Variants in ARID1B observed in about 807,000 individuals in gnomAD.
ARID1B encodes AT-rich interaction domain 1B, also known as AT-rich interactive domain-containing protein 1B.
Under a neutral mutation model 212.3 loss-of-function variants are expected in ARID1B, and 30 were observed. That is an observed-to-expected ratio of 0.14 (90% CI 0.11 to 0.19). The LOEUF (loss-of-function observed/expected upper bound fraction) is 0.19. Ranked by LOEUF, ARID1B falls within the 10% of genes least tolerant of loss-of-function variation. The pLI, the probability that ARID1B is intolerant of heterozygous loss-of-function variation, is 1.00. For synonymous variants in ARID1B, 1,402 were observed against 1,301.7 expected, an observed-to-expected ratio of 1.08 and a Z score of -1.66; for missense variants, 2,891 against 3,204.0, an observed-to-expected ratio of 0.90 and a Z score of 2.36.
chr6:156,848,013 T>TGATG (rs1414173449), intron 2 of ARID1B, among the ~76,000 whole-genome samples: 1 of 152,222 alleles, frequency 6.6e-6, no homozygotes, highest in Non-Finnish European at 1.5e-5. Flanking sequence ...TTTAGAATCG[T>TGATG]GATGGAGACT....
At chr6:156,997,822 A>G (rs959342760) in intron 4 of ARID1B, among the ~76,000 whole-genome samples, 1 of 152,204 alleles carries the variant, frequency 6.6e-6, no homozygotes, top group African/African-American at 2.4e-5. Flanking sequence ...GTATACATAT[A>G]TTATTTCTGA....
At chr6:157,113,305 C>G (rs1290584989) in intron 6 of ARID1B, among the ~76,000 whole-genome samples, 1 of 152,158 alleles carries the variant, frequency 6.6e-6, no homozygotes, top group Non-Finnish European at 1.5e-5. Flanking sequence ...CTCTAAACCT[C>G]CTCTGAAAGA....
intron 2 of ARID1B, among the ~76,000 whole-genome samples, chr6:156,897,141 GTCT>G (rs966174529): frequency 4.6e-5 from 7 of 151,668 alleles, no homozygotes; most frequent in South Asian, 2.1e-4. Context: ...TGTCTTAAAG[GTCT>G]TCTTTATTTA....
intron 2 of ARID1B, among the ~76,000 whole-genome samples, chr6:156,883,655 G>A (rs1024160219): frequency 4.6e-5 from 7 of 152,042 alleles, no homozygotes; most frequent in Admixed American, 3.9e-4. Context: ...TCCTCACCTC[G>A]GGACTGTCAC....
intron 8 of ARID1B, among the ~76,000 whole-genome samples, chr6:157,154,392 G>C (rs1300036654): frequency 1.3e-5 from 2 of 152,126 alleles, no homozygotes; most frequent in African/African-American, 4.8e-5. Context: ...TAAGGACACA[G>C]AGTTTCAATT....
chr6:157,003,969 T>A (rs1242164156), intron 4 of ARID1B, among the ~76,000 whole-genome samples: 2 of 151,762 alleles, frequency 1.3e-5, no homozygotes, highest in African/African-American at 4.8e-5. Context: ...ATCCCATCTC[T>A]ACAAAAAGGA....
intron 4 of ARID1B, among the ~76,000 whole-genome samples, chr6:156,978,779 C>A (rs1777421138): frequency 6.6e-6 from 1 of 152,058 alleles, no homozygotes; most frequent in South Asian, 2.1e-4. Context: ...AAAGAATTAC[C>A]ATAAACTTTA....
chr6:156,872,125 G>C (rs1356941136), intron 2 of ARID1B, among the ~76,000 whole-genome samples: 1 of 152,170 alleles, frequency 6.6e-6, no homozygotes, highest in Non-Finnish European at 1.5e-5. Flanking sequence ...CGCTTCTCAA[G>C]GCGAGTGATC....
intron 3 of ARID1B, among the ~76,000 whole-genome samples, chr6:156,920,633 G>A (rs1790704959): frequency 6.6e-6 from 1 of 152,020 alleles, no homozygotes; most frequent in African/African-American, 2.4e-5. Flanking sequence ...TGTGGGCAGT[G>A]GTCACCTTTT....
At chr6:156,953,612 G>A (rs1793748626) in intron 4 of ARID1B, among the ~76,000 whole-genome samples, 2 of 152,172 alleles carry the variant, frequency 1.3e-5, no homozygotes. Flanking sequence ...CCAGGAATAT[G>A]AGAATATGTG....
chr6:157,196,455 G>A, intron 16 of ARID1B, 140 bp downstream of exon 16: 1 of 1,114,974 alleles, frequency 9.0e-7, no homozygotes, highest in Non-Finnish European at 1.2e-6. Flanking sequence ...AGAGGCAATG[G>A]CTGCTGGTCA....
rs1373672033 is a variant in ARID1B, at chr6:157,198,849, C to T, written c.4421C>T (p.Pro1474Leu). ...PYGQQYPGQGPPSGQPPYGGH... is the reference protein window; with the variant it reads ...PYGQQYPGQGLPSGQPPYGGH... ...GGGCAGCAGTATCCAGGCCAAGGCC[C>T]TCCCTCGGGACAGCCGCCGTATGGA... The change falls in exon 17 of 20, where the codon CCT becomes CTT. Residue 1474 changes from proline (P) to leucine (L), a missense_variant. By Grantham distance (98) the Pro-to-Leu change is moderately conservative (BLOSUM62 -3). Coordinates refer to ENST00000636930, the MANE Select transcript of ARID1B (RefSeq NM_001374828.1). 1 of 1,611,952 alleles carries T rather than the reference C, an allele frequency of 6.2e-7. No individual in the cohort carries two copies.
intron 3 of ARID1B, among the ~76,000 whole-genome samples, chr6:156,929,670 T>C (rs1431518490): frequency 1.3e-5 from 2 of 152,216 alleles, no homozygotes; most frequent in Non-Finnish European, 2.9e-5. Flanking sequence ...GATGTGAGGA[T>C]TGGAAAAACT....
intron 2 of ARID1B, among the ~76,000 whole-genome samples, chr6:156,876,390 C>G (rs1315725421): frequency 6.6e-6 from 1 of 152,114 alleles, no homozygotes; most frequent in Admixed American, 6.5e-5. Flanking sequence ...TGTGTAGGCT[C>G]AGCTGTCTCG....
chr6:157,023,855 G>A (rs184600500), intron 4 of ARID1B: 6 of 152,286 alleles, frequency 3.9e-5, no homozygotes, highest in Non-Finnish European at 8.8e-5. Context: ...GCCAAAGGTA[G>A]TCTTGATGTA....
At chr6:157,162,393 G>A (rs1258987818) in intron 8 of ARID1B, among the ~76,000 whole-genome samples, 2 of 152,166 alleles carry the variant, frequency 1.3e-5, no homozygotes, top group Non-Finnish European at 2.9e-5. Flanking sequence ...TTTGCTTTGG[G>A]CTTTTTTCCC....
At chr6:156,851,173 C>A (rs965314806) in intron 2 of ARID1B, among the ~76,000 whole-genome samples, 2 of 152,124 alleles carry the variant, frequency 1.3e-5, no homozygotes, top group Admixed American at 1.3e-4. Flanking sequence ...GTTACCTTGG[C>A]CTCTCTCTGT....
chr6:157,052,630 T>A (rs191948240), intron 4 of ARID1B, among the ~76,000 whole-genome samples: 1 of 152,368 alleles, frequency 6.6e-6, no homozygotes, highest in East Asian at 1.9e-4. Flanking sequence ...AAGGAAAAGA[T>A]GCACTTTGCC....
At chr6:157,069,962 T>A (rs1783908537) in intron 4 of ARID1B, among the ~76,000 whole-genome samples, 1 of 152,200 alleles carries the variant, frequency 6.6e-6, no homozygotes, top group Non-Finnish European at 1.5e-5. Flanking sequence ...TAATTCATTT[T>A]TCCTGATAGA....
Sources: allele counts gnomAD v4.1 joint callset (sites outside exome capture counted in the v4.1 genomes callset), GRCh38; gene constraint gnomAD v4.1.1; transcripts MANE v1.5; gene names NCBI Gene and HGNC (gene_info 2026-07-23, HGNC 2026-07-21).